Variants in RABGEF1 observed in about 807,000 individuals in gnomAD.
RABGEF1 encodes rab5 GDP/GTP exchange factor.
A neutral mutation model predicts 57.3 loss-of-function variants in RABGEF1; 26 were observed. The observed-to-expected ratio is 0.45, with a 90% CI of 0.33 to 0.63. The LOEUF is 0.63. RABGEF1 is among the 20% of genes least tolerant of loss of function. The pLI is 0.02. For synonymous variants in RABGEF1, 185 were observed against 210.7 expected (o/e 0.88, Z 1.06); for missense variants, 464 against 607.6 (o/e 0.76, Z 2.48).
chr7:66,705,894 T>C (rs1351347474), intron 1 of RABGEF1, among the ~76,000 whole-genome samples: 2 of 113,606 alleles, frequency 1.8e-5, no homozygotes, highest in Non-Finnish European at 3.8e-5. Context: ...TTTTTTTTTT[T>C]TTTTTTTTTT....
Position 66,809,885 on chromosome 7 carries a change from C to T in RABGEF1, c.*601C>T, listed in dbSNP as rs547859687. On this transcript the variant is annotated 3_prime_UTR_variant, in exon 9 of 9. Transcript: ENST00000284957. ...TCGAGAAGTGTTTAGACAAACTCCC[C>T]TTAAGATGTGCACTCCATCTTTAAG... 6.6e-6 allele frequency: 1 copy of T among 152,666 alleles called. No homozygotes were observed. The highest frequency in any genetic ancestry group is 1.5e-5 in the Non-Finnish European group (1 of 68,074). 9.5% of individuals were successfully genotyped at this position (152,666 alleles called of 1,614,324 possible). A position where few individuals can be genotyped will look rare whatever the true frequency, so the allele number is the denominator to read the frequency against.
At chr7:66,778,998 C>T (rs1809219635) in intron 3 of RABGEF1, among the ~76,000 whole-genome samples, 1 of 151,912 alleles carries the variant, frequency 6.6e-6, no homozygotes, top group Non-Finnish European at 1.5e-5. Context: ...GCCTGTAATC[C>T]CAGCTACTTG....
At chr7:66,748,518 A>G (rs2129057763) in intron 1 of RABGEF1, among the ~76,000 whole-genome samples, 1 of 152,322 alleles carries the variant, frequency 6.6e-6, no homozygotes, top group African/African-American at 2.4e-5. Context: ...GGGTATCACG[A>G]TGGAACAGTC....
At chr7:66,799,291 G>A in intron 6 of RABGEF1, 32 bp from the exon 7 acceptor site, 3 of 1,532,196 alleles carry the variant, frequency 2.0e-6, no homozygotes, top group Non-Finnish European at 2.7e-6. Context: ...GTTTATCCTT[G>A]GAGCTCTTGT....
rs555629934 is a variant in RABGEF1 at position 66,707,031 on chromosome 7, C to T, written c.-872-5136C>T. Among the ~76,000 whole-genome samples, 9 of 151,984 alleles carry T rather than the reference C, an allele frequency of 5.9e-5. No homozygotes were observed. In the East Asian group the frequency reaches 7.8e-4, roughly 13 times the overall value. On this transcript the variant is annotated intron_variant and NMD_transcript_variant, in intron 1 of 9. Coordinates refer to the RABGEF1 transcript ENST00000607882. ...CGATCTCCTGGCCTCGTGATCCACC[C>T]GCCTCGGCCTCCCAAAGTGCTGGGA...
At chr7:66,778,752 GAAGATCC>G (rs1175014066) in intron 3 of RABGEF1, among the ~76,000 whole-genome samples, 1 of 152,174 alleles carries the variant, frequency 6.6e-6, no homozygotes, top group African/African-American at 2.4e-5. Context: ...GGACATTTCA[GAAGATCC>G]AGAAGCCAGC....
At chr7:66,676,454 ATG>A in the RABGEF1 span, among the ~76,000 whole-genome samples, 5 of 152,106 alleles carry the variant, frequency 3.3e-5, no homozygotes, top group Admixed American at 2.0e-4. Context: ...CCCTCCACAT[ATG>A]TGGGTTTCAC....
rs557431518 is a variant in RABGEF1 at position 66,810,797 on chromosome 7, C to G, written c.*1513C>G. On this transcript the variant is annotated 3_prime_UTR_variant, in exon 9 of 9. Transcript: ENST00000284957. The stretch of plus-strand genomic sequence containing the variant: ...GTTCTCTTGCTTTTCCAGTATCTTC[C>G]TAAGGATGGAGCCCAAAATTGCAGA... The G allele has an allele frequency of 6.6e-6, 1 of 152,314 alleles. No individual in the cohort carries two copies. The highest frequency in any genetic ancestry group is 1.5e-5 in the Non-Finnish European group (1 of 68,032). The allele number at this position is 152,314 out of a possible 1,614,324, so 9.4% of individuals were successfully genotyped here.
chr7:66,722,390 A>C (rs1228789001), intron 2 of RABGEF1, among the ~76,000 whole-genome samples: 4 of 152,254 alleles, frequency 2.6e-5, no homozygotes, highest in African/African-American at 4.8e-5. Flanking sequence ...CAGTGAGCTG[A>C]GATTGTGCCA....
chr7:66,656,455 T>C, the RABGEF1 span, among the ~76,000 whole-genome samples: 1 of 152,154 alleles, frequency 6.6e-6, no homozygotes, highest in African/African-American at 2.4e-5. Context: ...GACAGAGATC[T>C]AGAAGCTTAG....
At chr7:66,705,893 TTTTTTTTTTTTTTTTTTTTTG>T (rs1463619872) in intron 1 of RABGEF1, among the ~76,000 whole-genome samples, 4 of 112,560 alleles carry the variant, frequency 3.6e-5, no homozygotes, top group South Asian at 3.2e-4. Flanking sequence ...TTTTTTTTTT[TTTTTTTTTTTTTTTTTTTTTG>T]AGACGGAGTC....
chr7:66,670,894 T>TATATAC, the RABGEF1 span, among the ~76,000 whole-genome samples: 3 of 145,592 alleles, frequency 2.1e-5, no homozygotes, highest in African/African-American at 5.1e-5. Context: ...CACATACGTA[T>TATATAC]ACACACACAC....
At chr7:66,678,580 AAAAAG>A (rs1789471629), upstream of RABGEF1, among the ~76,000 whole-genome samples, 4 of 151,656 alleles carry the variant, frequency 2.6e-5, no homozygotes, top group South Asian at 8.3e-4. Context: ...AAAAAAAAAA[AAAAAG>A]AAAAGGTAAT....
At chr7:66,773,077 T>G (rs1807582174) in intron 2 of RABGEF1, among the ~76,000 whole-genome samples, 1 of 116,296 alleles carries the variant, frequency 8.6e-6, no homozygotes, top group Non-Finnish European at 2.0e-5. Flanking sequence ...CTCTAGCTAG[T>G]TGTTTGTTTT....
intron 4 of RABGEF1, among the ~76,000 whole-genome samples, chr7:66,790,215 C>A (rs1214073119): frequency 6.6e-6 from 1 of 152,212 alleles, no homozygotes; most frequent in Admixed American, 6.5e-5. Context: ...ATAACCCTCA[C>A]CTGAAGAACC....
Position 66,768,882 on chromosome 7 carries a change from G to A in RABGEF1, c.-17-3001G>A, listed in dbSNP as rs199760522. The A allele has an allele frequency of 3.9e-5, 6 of 152,136 alleles. No homozygotes were observed. In the East Asian group the frequency reaches 1.2e-3, roughly 29 times the overall value. 9.4% of individuals were successfully genotyped at this position (152,136 alleles called of 1,614,324 possible). ...CTGCCATGTCTTTCCACCACTGCCT[G>A]CACATTTGAGACCAAGGATAGAGAT... is the stretch of plus-strand genomic sequence containing the variant. On this transcript the variant is annotated intron_variant, in intron 1 of 8. Transcript: ENST00000284957.
chr7:66,708,361 C>T (rs986095248), intron 1 of RABGEF1, among the ~76,000 whole-genome samples: 1 of 151,818 alleles, frequency 6.6e-6, no homozygotes, highest in Non-Finnish European at 1.5e-5. Flanking sequence ...AATCTTGGCT[C>T]ACTGCAACCT....
chr7:66,696,708 A>AG (rs1792400044), intron 1 of RABGEF1, among the ~76,000 whole-genome samples: 1 of 144,616 alleles, frequency 6.9e-6, no homozygotes. Context: ...AAAAAAAAAA[A>AG]AAAAGAAAAA....
upstream of RABGEF1, among the ~76,000 whole-genome samples, chr7:66,680,713 A>G (rs1319446245): frequency 6.6e-6 from 1 of 152,112 alleles, no homozygotes; most frequent in Admixed American, 6.5e-5. Context: ...TTGGGAGACC[A>G]AGGCAGGTGG....
Sources: gnomAD v4.1 joint callset for allele counts (sites outside exome capture counted in the v4.1 genomes callset) on GRCh38, gnomAD v4.1.1 for gene constraint, MANE v1.5 for transcripts, NCBI Gene and HGNC (gene_info 2026-07-23, HGNC 2026-07-21) for gene names.